The following SRPK2 variants were observed in gnomAD, a reference collection of about 807,000 sequenced individuals.
SRPK2 encodes the protein SRSF protein kinase 2.
SRPK2 carries 21 observed loss-of-function variants against 90.8 expected under a neutral mutation model. That is an observed-to-expected ratio of 0.23 (90% CI 0.16 to 0.33). The LOEUF is 0.33. Among genes scored for constraint, SRPK2 ranks in the 10% least tolerant of loss-of-function variants. The pLI, the probability that SRPK2 is intolerant of heterozygous loss-of-function variation, is 1.00. For synonymous variants in SRPK2, 288 were observed against 311.1 expected (o/e 0.93, Z 0.78); for missense variants, 620 against 869.0 (o/e 0.71, Z 3.60).
intron 2 of SRPK2, among the ~76,000 whole-genome samples, chr7:105,363,444 C>G (rs544282911): frequency 6.6e-6 from 1 of 152,092 alleles, no homozygotes; most frequent in Non-Finnish European, 1.5e-5. Flanking sequence ...TCATCACTGG[C>G]CATCAGAGAA....
At chr7:105,129,939 G>A (rs6950620) in intron 13 of SRPK2, among the ~76,000 whole-genome samples, 47,127 of 152,002 alleles carry the variant, frequency 0.31, 7,642 homozygotes, top group Non-Finnish European at 0.36. Context: ...CTATGGCACT[G>A]ACCAGGACTC....
chr7:105,354,189 A>T (rs1400497205), intron 2 of SRPK2, among the ~76,000 whole-genome samples: 1 of 152,188 alleles, frequency 6.6e-6, no homozygotes, highest in Non-Finnish European at 1.5e-5. Flanking sequence ...TAACAGGACC[A>T]GTCACAGGTC....
intron 2 of SRPK2, among the ~76,000 whole-genome samples, chr7:105,312,313 G>A (rs1177336412): frequency 1.3e-5 from 2 of 151,670 alleles, no homozygotes; most frequent in African/African-American, 2.4e-5. Flanking sequence ...GGTGGTGCAC[G>A]CCTGTAGTCC....
chr7:105,249,002 G>T (rs1213711846), intron 2 of SRPK2, among the ~76,000 whole-genome samples: 1 of 151,922 alleles, frequency 6.6e-6, no homozygotes, highest in Non-Finnish European at 1.5e-5. Flanking sequence ...TGTCAATTCT[G>T]TCCACGTGTG....
At chr7:105,336,944 G>A (rs923111990) in intron 2 of SRPK2, among the ~76,000 whole-genome samples, 1 of 152,018 alleles carries the variant, frequency 6.6e-6, no homozygotes, top group Non-Finnish European at 1.5e-5. Context: ...TGGGATTACA[G>A]GCACCCGCCA....
chr7:105,394,064 C>T (rs1402251569), upstream of SRPK2, among the ~76,000 whole-genome samples: 1 of 152,142 alleles, frequency 6.6e-6, no homozygotes, highest in Non-Finnish European at 1.5e-5. Context: ...TATAGGCTTG[C>T]CTGTTCTGGA....
intron 2 of SRPK2, among the ~76,000 whole-genome samples, chr7:105,290,447 G>C (rs901145676): frequency 6.6e-6 from 1 of 152,110 alleles, no homozygotes; most frequent in African/African-American, 2.4e-5. Context: ...ACAGTGAGCG[G>C]AGACTGCGCC....
chr7:105,344,406 CCT>C lies in SRPK2; in HGVS notation c.71+44240_71+44241del, dbSNP rs1491413238. Among the ~76,000 whole-genome samples, 112 of 128,628 alleles carry C rather than the reference CCT, an allele frequency of 8.7e-4. 6 individuals are homozygous for C. Among genetic ancestry groups the C allele is most frequent in the East Asian group, 7.1e-3 (29 of 4,068 alleles). The allele number at this position is 128,628 out of a possible 152,430, so 84.4% of individuals were successfully genotyped here. The stretch of plus-strand genomic sequence containing the variant: ...AGGACCCCAGGTGTATGCAGCCACA[CCT>C]TTTTTTTTTTTTTTTTTTTTTTTTT... On this transcript the variant is annotated intron_variant, in intron 2 of 15. Transcript: ENST00000393651.
chr7:105,392,829 T>C (rs558890608), upstream of SRPK2, among the ~76,000 whole-genome samples: 335 of 151,768 alleles, frequency 2.2e-3, 2 homozygotes, highest in Non-Finnish European at 3.1e-3. Flanking sequence ...TTTTTTTTTT[T>C]TGAGAGAGGG....
chr7:105,359,521 A>G (rs548810818), intron 2 of SRPK2, among the ~76,000 whole-genome samples: 7 of 152,212 alleles, frequency 4.6e-5, no homozygotes, highest in African/African-American at 1.7e-4. Flanking sequence ...TCACAGTAAA[A>G]AAGACGTCAA....
intron 2 of SRPK2, among the ~76,000 whole-genome samples, chr7:105,366,328 T>A (rs1819047834): frequency 2.0e-5 from 3 of 151,734 alleles, no homozygotes; most frequent in African/African-American, 7.3e-5. Context: ...TACAGTGACT[T>A]TGCTTTTTCT....
intron 3 of SRPK2, 114 bp downstream of exon 3, chr7:105,203,514 A>G: frequency 8.2e-7 from 1 of 1,216,692 alleles, no homozygotes; most frequent in African/African-American, 1.6e-5. Context: ...GGCTAATTTA[A>G]TGAAGACCAA....
At chr7:105,319,849 C>T (rs1047101202) in intron 2 of SRPK2, among the ~76,000 whole-genome samples, 1 of 150,696 alleles carries the variant, frequency 6.6e-6, no homozygotes, top group African/African-American at 2.4e-5. Context: ...TTCTGGACAT[C>T]ACTTCCCCCC....
At chr7:105,225,422 C>T (rs180923278) in intron 2 of SRPK2, among the ~76,000 whole-genome samples, 1 of 152,324 alleles carries the variant, frequency 6.6e-6, no homozygotes, top group Non-Finnish European at 1.5e-5. Flanking sequence ...ATGACTCATA[C>T]ATGAAACCAG....
intron 2 of SRPK2, among the ~76,000 whole-genome samples, chr7:105,353,776 A>C (rs149923999): frequency 1.3e-5 from 2 of 152,314 alleles, no homozygotes; most frequent in African/African-American, 4.8e-5. Context: ...AGAAAGAATC[A>C]TCACAAAAGA....
At chr7:105,380,594 G>A (rs559840380) in intron 2 of SRPK2, among the ~76,000 whole-genome samples, 79 of 147,606 alleles carry the variant, frequency 5.4e-4, no homozygotes, top group Non-Finnish European at 1.1e-3. Context: ...CGCCATCTCA[G>A]CTCACTGCAA....
At chr7:105,311,414 A>T (rs889162623) in intron 2 of SRPK2, among the ~76,000 whole-genome samples, 1 of 152,094 alleles carries the variant, frequency 6.6e-6, no homozygotes, top group Non-Finnish European at 1.5e-5. Flanking sequence ...TTGTATTTTT[A>T]GTAGAGACAG....
intron 2 of SRPK2, among the ~76,000 whole-genome samples, chr7:105,346,582 T>C (rs990976902): frequency 6.6e-6 from 1 of 151,974 alleles, no homozygotes; most frequent in Non-Finnish European, 1.5e-5. Context: ...GGTGAAACCC[T>C]GTCTCTACTA....
intron 2 of SRPK2, among the ~76,000 whole-genome samples, chr7:105,292,375 G>A (rs541423369): frequency 4.0e-5 from 6 of 151,840 alleles, no homozygotes; most frequent in Non-Finnish European, 7.4e-5. Context: ...GGGTGTGGCG[G>A]CATATGCCTG....
Sources: gnomAD v4.1 joint callset for allele counts (sites outside exome capture counted in the v4.1 genomes callset) on GRCh38, gnomAD v4.1.1 for gene constraint, MANE v1.5 for transcripts, NCBI Gene and HGNC (gene_info 2026-07-23, HGNC 2026-07-21) for gene names.